Variants in SCN11A observed in about 807,000 individuals in gnomAD.
The protein encoded by SCN11A is sodium voltage-gated channel alpha subunit 11.
Under a neutral mutation model 162.2 loss-of-function variants are expected in SCN11A, and 122 were observed. The observed-to-expected ratio is 0.75, with a 90% CI of 0.65 to 0.87. SCN11A has a LOEUF of 0.87. Ranked by LOEUF, SCN11A falls within the 40% of genes least tolerant of loss-of-function variation. The pLI is 0.00. For synonymous variants in SCN11A, 758 were observed against 751.5 expected (o/e 1.01, Z -0.14); for missense variants, 2,015 against 2,181.6 (o/e 0.92, Z 1.52).
chr3:39,011,507 A>C (rs2031133111), intron 2 of SCN11A, among the ~76,000 whole-genome samples: 1 of 152,234 alleles, frequency 6.6e-6, no homozygotes, highest in Non-Finnish European at 1.5e-5. Flanking sequence ...ACGTGCCAGC[A>C]GATGGCATTT....
intron 2 of SCN11A, among the ~76,000 whole-genome samples, chr3:38,992,213 C>T (rs181000397): frequency 1.6e-4 from 25 of 152,312 alleles, no homozygotes; most frequent in African/African-American, 5.8e-4. Context: ...TTGCATTCCA[C>T]CTATATTCTA....
intron 11 of SCN11A, among the ~76,000 whole-genome samples, chr3:38,913,123 T>C (rs1370690203): frequency 1.3e-5 from 2 of 152,198 alleles, no homozygotes; most frequent in African/African-American, 4.8e-5. Flanking sequence ...TGTTCCCTTT[T>C]CTCCACAACA....
At chr3:39,009,843 A>ATT (rs60263866) in intron 2 of SCN11A, among the ~76,000 whole-genome samples, 9,577 of 115,180 alleles carry the variant, frequency 0.083, 610 homozygotes, top group East Asian at 0.2. Flanking sequence ...CGCTCAGCTA[A>ATT]TTTTTTTTTT....
At chr3:38,920,096 T>C in intron 10 of SCN11A, 95 bp from the exon 11 acceptor site, 1 of 910,406 alleles carries the variant, frequency 1.1e-6, no homozygotes, top group Non-Finnish European at 1.7e-6. Flanking sequence ...AAATGGATGT[T>C]TCTACATCTT....
intron 5 of SCN11A, among the ~76,000 whole-genome samples, chr3:38,948,936 A>G (rs1311862352): frequency 6.6e-6 from 1 of 152,162 alleles, no homozygotes; most frequent in African/African-American, 2.4e-5. Flanking sequence ...GAAACATTGG[A>G]GTGTTTTTGC....
chr3:38,894,864 G>A lies in SCN11A; in HGVS notation c.2504C>T (p.Ala835Val). The change falls in exon 19 of 30, where the codon GCA becomes GTA. Residue 835 changes from alanine (A) to valine (V), a missense_variant. Transcript: ENST00000302328. ...GEARKTKVQL[A>V]LDRFRRAFCF... ...AAAAGCCCGGCGGAATCGATCCAGT[G>A]CTAACTGGACTTTAGTTTTCCTGGC... The A allele has an allele frequency of 6.2e-7, 1 of 1,614,056 alleles. No individual in the cohort carries two copies. Among genetic ancestry groups the A allele is most frequent in the South Asian group, 1.1e-5 (1 of 91,084 alleles).
intron 14 of SCN11A, among the ~76,000 whole-genome samples, chr3:38,906,366 T>C (rs1308692566): frequency 2.0e-5 from 3 of 152,076 alleles, no homozygotes; most frequent in Non-Finnish European, 4.4e-5. Context: ...ACCAGCTTCA[T>C]TTCTGCACAT....
intron 28 of SCN11A, among the ~76,000 whole-genome samples, chr3:38,854,315 A>G (rs918199112): frequency 9.8e-5 from 15 of 152,328 alleles, no homozygotes; most frequent in South Asian, 4.1e-4. Context: ...CTTTAAGGAA[A>G]AGTCTGTCAA....
At chr3:38,921,341 G>A (rs540067036) in intron 9 of SCN11A, 86 bp from the exon 10 acceptor site, 8 of 1,288,490 alleles carry the variant, frequency 6.2e-6, no homozygotes, top group South Asian at 2.8e-5. Context: ...CTGAAGTCTC[G>A]GAAACTGTCA....
intron 11 of SCN11A, among the ~76,000 whole-genome samples, chr3:38,916,512 G>T (rs1298864479): frequency 1.3e-5 from 2 of 152,134 alleles, no homozygotes. Context: ...AATCTGCCCA[G>T]TCATCTGCCT....
chr3:38,900,347 T>C (rs2126121379), intron 16 of SCN11A, among the ~76,000 whole-genome samples: 1 of 152,244 alleles, frequency 6.6e-6, no homozygotes, highest in South Asian at 2.1e-4. Context: ...TCTCATTCTG[T>C]TGAAGATAAA....
intron 1 of SCN11A, among the ~76,000 whole-genome samples, chr3:39,041,788 A>G (rs758245565): frequency 6.6e-6 from 1 of 151,692 alleles, no homozygotes; most frequent in Non-Finnish European, 1.5e-5. Flanking sequence ...AGATACACAA[A>G]TGAGAAAGAA....
chr3:38,867,907 C>A (rs2065067593), intron 26 of SCN11A, among the ~76,000 whole-genome samples: 1 of 152,216 alleles, frequency 6.6e-6, no homozygotes, highest in Non-Finnish European at 1.5e-5. Flanking sequence ...CATATAGAGC[C>A]CACTGCTTTA....
chr3:38,900,792 C>G (rs1376100912), intron 16 of SCN11A, among the ~76,000 whole-genome samples: 1 of 152,070 alleles, frequency 6.6e-6, no homozygotes, highest in Non-Finnish European at 1.5e-5. Context: ...AAAGGAGAGG[C>G]AGGAATTACA....
intron 2 of SCN11A, among the ~76,000 whole-genome samples, chr3:38,965,768 G>C (rs1214040777): frequency 1.3e-5 from 2 of 151,708 alleles, no homozygotes; most frequent in African/African-American, 4.8e-5. Flanking sequence ...ACACAGATTC[G>C]ACTAGAAGTC....
intron 2 of SCN11A, among the ~76,000 whole-genome samples, chr3:39,023,366 T>C (rs1305988869): frequency 6.6e-6 from 1 of 152,208 alleles, no homozygotes; most frequent in African/African-American, 2.4e-5. Flanking sequence ...TTCATACCCT[T>C]ACTTATTTTT....
At chr3:38,968,320 C>CCCAG (rs1429289646) in intron 2 of SCN11A, among the ~76,000 whole-genome samples, 13 of 152,188 alleles carry the variant, frequency 8.5e-5, no homozygotes, top group Admixed American at 3.9e-4. Context: ...CCACCTGGCT[C>CCCAG]AGGGGCCTGA....
intron 2 of SCN11A, among the ~76,000 whole-genome samples, chr3:39,027,185 T>C (rs1014642058): frequency 2.0e-5 from 3 of 152,196 alleles, no homozygotes; most frequent in African/African-American, 4.8e-5. Context: ...ATGAGGGACA[T>C]TGAACATCCC....
intron 5 of SCN11A, 63 bp from the exon 6 acceptor site, chr3:38,946,970 G>A: frequency 1.1e-6 from 1 of 915,730 alleles, no homozygotes; most frequent in East Asian, 2.4e-5. Context: ...TAAATGCAGT[G>A]ACAAAACAAT....
Sources: allele counts gnomAD v4.1 joint callset (sites outside exome capture counted in the v4.1 genomes callset), GRCh38; gene constraint gnomAD v4.1.1; transcripts MANE v1.5; gene names NCBI Gene and HGNC (gene_info 2026-07-23, HGNC 2026-07-21).